TAF3: variants seen among roughly 807,000 people sequenced by gnomAD.
TAF3 encodes the protein transcription initiation factor TFIID subunit 3.
TAF3 carries 7 observed loss-of-function variants against 80.6 expected under a neutral mutation model. That is an observed-to-expected ratio of 0.09 (90% CI 0.05 to 0.16). The LOEUF (loss-of-function observed/expected upper bound fraction) is 0.16, where lower values mean the gene tolerates loss of function less well. TAF3 is among the 10% of genes least tolerant of loss of function. The pLI is 1.00. For synonymous variants in TAF3, 444 were observed against 446.1 expected (o/e 1.00, Z 0.06); for missense variants, 921 against 1,140.2 (o/e 0.81, Z 2.77).
intron 2 of TAF3, among the ~76,000 whole-genome samples, chr10:7,841,008 C>G (rs1253260712): frequency 6.6e-6 from 1 of 152,130 alleles, no homozygotes; most frequent in Non-Finnish European, 1.5e-5. Flanking sequence ...CGCTGCCACA[C>G]CTGGCTAATT....
intron 2 of TAF3, among the ~76,000 whole-genome samples, chr10:7,858,414 A>G (rs184249537): frequency 3.9e-5 from 6 of 152,154 alleles, no homozygotes; most frequent in Non-Finnish European, 8.8e-5. Context: ...GGATGATACA[A>G]TCGTTTATGT....
intron 2 of TAF3, among the ~76,000 whole-genome samples, chr10:7,863,239 G>A (rs1837165387): frequency 6.6e-6 from 1 of 152,120 alleles, no homozygotes; most frequent in Non-Finnish European, 1.5e-5. Context: ...AGACTGCAGG[G>A]TTTTGTACTG....
chr10:7,984,972 A>G (rs1223838227), intron 4 of TAF3, among the ~76,000 whole-genome samples: 1 of 152,244 alleles, frequency 6.6e-6, no homozygotes, highest in African/African-American at 2.4e-5. Context: ...GAACGTTTCA[A>G]TCCTTTGCAT....
chr10:8,013,605 T>C (rs1832074147), intron 5 of TAF3, 126 bp from the exon 6 acceptor site: 3 of 638,984 alleles, frequency 4.7e-6, no homozygotes, highest in African/African-American at 1.8e-5. Context: ...GCTGATCTAC[T>C]ATATTTTTTA....
At chr10:7,938,503 G>A (rs570792743) in intron 2 of TAF3, among the ~76,000 whole-genome samples, 27 of 152,224 alleles carry the variant, frequency 1.8e-4, no homozygotes, top group African/African-American at 6.5e-4. Flanking sequence ...TGAGTGGGAA[G>A]GCTTGAAAAC....
At chr10:7,822,745 A>G (rs1836702669) in intron 1 of TAF3, among the ~76,000 whole-genome samples, 1 of 152,242 alleles carries the variant, frequency 6.6e-6, no homozygotes, top group East Asian at 1.9e-4. Context: ...TTTCAGTTAA[A>G]AAGTCAGGAT....
At chr10:7,857,032 C>A (rs1000921899) in intron 2 of TAF3, among the ~76,000 whole-genome samples, 17 of 152,188 alleles carry the variant, frequency 1.1e-4, no homozygotes. Context: ...TCCCAACTTT[C>A]ATGTCCGTAA....
chr10:7,849,554 T>C (rs540598745), intron 2 of TAF3, among the ~76,000 whole-genome samples: 2 of 152,316 alleles, frequency 1.3e-5, no homozygotes, highest in African/African-American at 4.8e-5. Flanking sequence ...TGCATAATAG[T>C]TGTGGCTTGG....
chr10:7,885,265 C>T (rs1406535927), intron 2 of TAF3, among the ~76,000 whole-genome samples: 25 of 151,730 alleles, frequency 1.6e-4, no homozygotes, highest in Admixed American at 1.6e-3. Context: ...CACACACACA[C>T]ACACACACCC....
intron 3 of TAF3, among the ~76,000 whole-genome samples, chr10:7,970,647 C>T (rs892089545): frequency 1.3e-4 from 20 of 152,134 alleles, no homozygotes; most frequent in Non-Finnish European, 2.5e-4. Context: ...TTAGAGAGCA[C>T]CTGTTTAACC....
intron 2 of TAF3, among the ~76,000 whole-genome samples, chr10:7,867,294 CA>C (rs952310374): frequency 1.3e-5 from 2 of 151,740 alleles, no homozygotes; most frequent in Non-Finnish European, 2.9e-5. Context: ...CAAAAACCAC[CA>C]AAAAAAGATG....
At chr10:7,912,788 C>T (rs1837669230) in intron 2 of TAF3, among the ~76,000 whole-genome samples, 2 of 152,158 alleles carry the variant, frequency 1.3e-5, no homozygotes, top group African/African-American at 4.8e-5. Context: ...AGTCCAGGAC[C>T]TCTGTGGCTG....
At chr10:7,954,640 G>A (rs549624868) in intron 2 of TAF3, among the ~76,000 whole-genome samples, 25 of 138,788 alleles carry the variant, frequency 1.8e-4, no homozygotes, top group African/African-American at 6.2e-4. Context: ...TCCATAGTGA[G>A]ATTCAGAGTG....
At chr10:7,916,966 A>C (rs1837717167) in intron 2 of TAF3, among the ~76,000 whole-genome samples, 1 of 152,248 alleles carries the variant, frequency 6.6e-6, no homozygotes, top group South Asian at 2.1e-4. Context: ...TGTGCTCGAA[A>C]GAACATAGGC....
At position 8,009,230 on chromosome 10, in the gene TAF3, C is replaced by A; in HGVS notation, c.2468C>A (p.Ala823Glu). Residue 823 changes from alanine to glutamate, a missense_variant, in exon 5 of 7, where the codon GCG (alanine) becomes GAG (glutamate). By Grantham distance (107) the Ala-to-Glu change is moderately radical. Transcript: ENST00000344293. The surrounding 1 kb of genome is among the most constrained non-coding windows in gnomAD (Gnocchi z 4.1). ...CTGCCGCTGCTCGCCCAGGCCGCCG[C>A]GGGCCCTGCCCTGCTGCCCTCCCCG... ...VPLPLLAQAA[A>E]GPALLPSPGP... 1 of 1,476,070 alleles carries A rather than the reference C, an allele frequency of 6.8e-7. No individual in the cohort carries two copies. The highest frequency in any genetic ancestry group is 9.0e-7 in the Non-Finnish European group (1 of 1,114,378). The allele number at this position is 1,476,070 out of a possible 1,614,324, so 91.4% of individuals were successfully genotyped here. A position where few individuals can be genotyped will look rare whatever the true frequency, so the allele number is the denominator to read the frequency against.
chr10:7,860,453 A>G (rs183045753), intron 2 of TAF3, among the ~76,000 whole-genome samples: 5 of 152,254 alleles, frequency 3.3e-5, no homozygotes, highest in Admixed American at 2.0e-4. Context: ...TAACCCCTAC[A>G]CTTTTAGTGC....
chr10:7,895,255 C>T (rs1023132212), intron 2 of TAF3, among the ~76,000 whole-genome samples: 8 of 152,180 alleles, frequency 5.3e-5, no homozygotes, highest in African/African-American at 1.9e-4. Context: ...GGACATCTGC[C>T]TAGAGCATGA....
At position 7,877,845 on chromosome 10, in the gene TAF3, CCTT is replaced by C. The variant is rs1364922004; in HGVS notation, c.409+53288_409+53290del. Among the ~76,000 whole-genome samples, 7 of 152,274 alleles carry C rather than the reference CCTT, an allele frequency of 4.6e-5. No homozygotes were observed. The East Asian group carries it at 1.2e-3, about 25-fold the overall frequency. On this transcript the variant is annotated intron_variant, in intron 2 of 6. Transcript: ENST00000344293. ...TGCTCAATTCTGTGTCCCTCTCTCT[CCTT>C]CTAGTACCGTTTATACACCGTGTGT...
At chr10:8,002,817 G>T (rs1427837292) in intron 4 of TAF3, among the ~76,000 whole-genome samples, 2 of 152,086 alleles carry the variant, frequency 1.3e-5, no homozygotes, top group Non-Finnish European at 2.9e-5. Context: ...AGATTCATCT[G>T]TTTCTTACTG....
Sources: gnomAD v4.1 joint callset for allele counts (sites outside exome capture counted in the v4.1 genomes callset) on GRCh38, gnomAD v4.1.1 for gene constraint, Gnocchi (gnomAD v3.1) non-coding constraint, MANE v1.5 for transcripts, NCBI Gene and HGNC (gene_info 2026-07-23, HGNC 2026-07-21) for gene names.